The following CENPP variants were observed in gnomAD, a reference collection of about 807,000 sequenced individuals.
The protein encoded by CENPP is centromere protein P.
In CENPP, 24 loss-of-function variants were observed where a neutral mutation model predicts 35.6. That is an observed-to-expected ratio of 0.67 (90% confidence interval 0.49 to 0.95). The LOEUF (loss-of-function observed/expected upper bound fraction) is 0.95, where lower values mean the gene tolerates loss of function less well. Among genes scored for constraint, CENPP ranks in the 40% least tolerant of loss-of-function variants. The probability of loss-of-function intolerance (pLI) is 0.00; values close to 1 mark genes in which losing one functional copy is unlikely to be tolerated. For synonymous variants in CENPP, 120 were observed against 125.5 expected, an observed-to-expected ratio of 0.96 and a Z score of 0.29; for missense variants, 332 against 345.3, an observed-to-expected ratio of 0.96 and a Z score of 0.31.
At chr9:92,359,070 C>A (rs1841670221) in intron 4 of CENPP, among the ~76,000 whole-genome samples, 1 of 151,846 alleles carries the variant, frequency 6.6e-6, no homozygotes, top group African/African-American at 2.4e-5. Flanking sequence ...CTGCCTCAGC[C>A]TCCCAAGTAG....
chr9:92,522,435 G>T, intron 5 of CENPP: 1 of 997,032 alleles, frequency 1.0e-6, no homozygotes. Flanking sequence ...AAACCAAAAA[G>T]TAATATAATA....
intron 5 of CENPP, among the ~76,000 whole-genome samples, chr9:92,565,932 A>G (rs539281469): frequency 6.6e-6 from 1 of 152,332 alleles, no homozygotes; most frequent in Admixed American, 6.5e-5. Flanking sequence ...ACCATAGGGA[A>G]GGAAAAGAGT....
intron 5 of CENPP, chr9:92,495,617 AAT>A: frequency 1.0e-6 from 1 of 955,038 alleles, no homozygotes. Flanking sequence ...TTTAAAAAAT[AAT>A]TTTAGAATTA....
At chr9:92,503,220 GCTCT>G (rs779146503) in intron 5 of CENPP, among the ~76,000 whole-genome samples, 1 of 152,016 alleles carries the variant, frequency 6.6e-6, no homozygotes. Flanking sequence ...ATTATACAAG[GCTCT>G]CTATTTTATA....
chr9:92,458,152 C>T (rs1038398376), intron 5 of CENPP, among the ~76,000 whole-genome samples: 3 of 152,090 alleles, frequency 2.0e-5, no homozygotes, highest in African/African-American at 7.2e-5. Context: ...TTTTACAGGC[C>T]GTGTACATGT....
chr9:92,367,938 C>T (rs1466854587), intron 4 of CENPP, among the ~76,000 whole-genome samples: 3 of 152,164 alleles, frequency 2.0e-5, no homozygotes, highest in Non-Finnish European at 4.4e-5. Flanking sequence ...TTAATCAAAA[C>T]ACAGCATCAT....
intron 2 of CENPP, among the ~76,000 whole-genome samples, chr9:92,332,857 A>G (rs990686819): frequency 2.0e-5 from 3 of 150,784 alleles, no homozygotes; most frequent in Non-Finnish European, 4.4e-5. Context: ...GAACAGACAC[A>G]GTTTCTTTTC....
chr9:92,546,310 T>C (rs1027689263), intron 5 of CENPP, among the ~76,000 whole-genome samples: 10 of 152,198 alleles, frequency 6.6e-5, no homozygotes, highest in East Asian at 3.8e-4. Flanking sequence ...CTGCCCAAGC[T>C]AGCCCTGACA....
At chr9:92,566,231 C>A (rs993481816) in intron 5 of CENPP, among the ~76,000 whole-genome samples, 2 of 150,954 alleles carry the variant, frequency 1.3e-5, no homozygotes, top group Admixed American at 6.6e-5. Flanking sequence ...ACCCAGGAGT[C>A]AGAGGTTGCA....
At chr9:92,568,633 T>C (rs1202766177) in intron 5 of CENPP, among the ~76,000 whole-genome samples, 1 of 152,206 alleles carries the variant, frequency 6.6e-6, no homozygotes, top group Non-Finnish European at 1.5e-5. Context: ...ATGGTATTTC[T>C]AGTTCTAGAT....
At chr9:92,479,225 C>T (rs1008902371) in intron 5 of CENPP, among the ~76,000 whole-genome samples, 2 of 152,116 alleles carry the variant, frequency 1.3e-5, no homozygotes, top group Non-Finnish European at 2.9e-5. Flanking sequence ...CTGACCAGTC[C>T]CCCAGTGGCA....
chr9:92,484,583 T>A (rs1433308634), intron 5 of CENPP, among the ~76,000 whole-genome samples: 1 of 152,242 alleles, frequency 6.6e-6, no homozygotes, highest in Non-Finnish European at 1.5e-5. Context: ...GTATGTATTT[T>A]TGTTAGGTGA....
intron 5 of CENPP, among the ~76,000 whole-genome samples, chr9:92,433,058 G>T (rs1347881257): frequency 1.3e-5 from 2 of 152,156 alleles, no homozygotes; most frequent in Non-Finnish European, 2.9e-5. Flanking sequence ...TTTGGGGAGT[G>T]CCTTAGTTCA....
chr9:92,416,056 G>GTATA (rs1403964887), intron 5 of CENPP, among the ~76,000 whole-genome samples: 11 of 83,448 alleles, frequency 1.3e-4, no homozygotes, highest in African/African-American at 3.6e-4. Flanking sequence ...TTATATATGT[G>GTATA]TGTATATATA....
rs143217120 is a variant in CENPP, at chr9:92,597,077, T to G, written c.565-14237T>G. Among the ~76,000 whole-genome samples, 595 of 152,362 alleles carry G rather than the reference T, an allele frequency of 3.9e-3. 2 individuals are homozygous for G. Among genetic ancestry groups the G allele is most frequent in the Admixed American group, 6.7e-3 (103 of 15,306 alleles). ...CTGTATACTGCAACTATATTTGAGC[T>G]TAGAGATGTTATCTAGTAGAATGTT... is the stretch of plus-strand genomic sequence containing the variant. On this transcript the variant is annotated intron_variant, in intron 5 of 7. Transcript: ENST00000375587.
At chr9:92,356,352 A>T (rs866423197) in intron 4 of CENPP, among the ~76,000 whole-genome samples, 1 of 152,226 alleles carries the variant, frequency 6.6e-6, no homozygotes, top group Non-Finnish European at 1.5e-5. Flanking sequence ...TCTCTGCAAG[A>T]AGAAAAATAT....
At chr9:92,453,024 A>G (rs1358847900) in intron 5 of CENPP, among the ~76,000 whole-genome samples, 1 of 151,924 alleles carries the variant, frequency 6.6e-6, no homozygotes, top group African/African-American at 2.4e-5. Flanking sequence ...GGGTCTATCA[A>G]TTTTGTTGAT....
At chr9:92,415,836 T>C (rs1843576845) in intron 5 of CENPP, among the ~76,000 whole-genome samples, 1 of 145,978 alleles carries the variant, frequency 6.9e-6, no homozygotes, top group African/African-American at 2.5e-5. Context: ...AATTTATACA[T>C]ATATATAAAA....
intron 5 of CENPP, among the ~76,000 whole-genome samples, chr9:92,574,821 A>G (rs547430338): frequency 2.4e-4 from 37 of 152,356 alleles, no homozygotes; most frequent in African/African-American, 8.4e-4. Context: ...AAAACTTACT[A>G]CAAAGCTACA....
Sources: allele counts gnomAD v4.1 joint callset (sites outside exome capture counted in the v4.1 genomes callset), GRCh38; gene constraint gnomAD v4.1.1; transcripts MANE v1.5; gene names NCBI Gene and HGNC (gene_info 2026-07-23, HGNC 2026-07-21).